Variants in NFKBIZ observed in about 807,000 individuals in gnomAD.
The protein encoded by NFKBIZ is NFKB inhibitor zeta.
NFKBIZ carries 19 observed loss-of-function variants against 76.8 expected under a neutral mutation model. The ratio of observed to expected loss-of-function variants is 0.25; its 90% CI spans 0.17 to 0.36. NFKBIZ has a LOEUF of 0.36. NFKBIZ is among the 10% of genes least tolerant of loss of function. The pLI is 1.00. For missense variants in NFKBIZ, 829 were observed against 910.9 expected (o/e 0.91, Z 1.16); for synonymous variants, 368 against 354.8 (o/e 1.04, Z -0.42).
chr3:101,834,257 T>A (rs897094158), intron 2 of NFKBIZ, among the ~76,000 whole-genome samples: 18 of 152,100 alleles, frequency 1.2e-4, no homozygotes, highest in African/African-American at 4.1e-4. Context: ...GGCCTTGGAG[T>A]TACCTCTGAC....
At chr3:101,831,619 T>G (rs1016195094) in intron 2 of NFKBIZ, among the ~76,000 whole-genome samples, 1 of 151,928 alleles carries the variant, frequency 6.6e-6, no homozygotes, top group Non-Finnish European at 1.5e-5. Context: ...CTCCTTCTCC[T>G]CTTTTTCTTT....
At chr3:101,855,969 T>C (rs1301192048) in intron 9 of NFKBIZ, 67 bp downstream of exon 9, 1 of 1,384,576 alleles carries the variant, frequency 7.2e-7, no homozygotes. Flanking sequence ...AAGACCTTGC[T>C]TCCAAGTACA....
rs1294733184 is a variant in NFKBIZ at position 101,859,568 on chromosome 3, A to G, written c.*197A>G. On this transcript the variant is annotated 3_prime_UTR_variant, in exon 12 of 12. Transcript: ENST00000326172. ...ATCTAATTTCTCTTGGCAGATTTGC[A>G]TATTTCATACCCAGGTATCTGGGAT... 8 of 414,144 alleles carry G rather than the reference A, an allele frequency of 1.9e-5. No homozygotes were observed. The South Asian group carries it at 2.2e-4, about 12-fold the overall frequency. 25.7% of individuals were successfully genotyped at this position (414,144 alleles called of 1,614,324 possible).
intron 2 of NFKBIZ, among the ~76,000 whole-genome samples, chr3:101,835,914 G>A (rs1356494639): frequency 6.6e-6 from 1 of 152,150 alleles, no homozygotes; most frequent in Non-Finnish European, 1.5e-5. Flanking sequence ...GAATATCATT[G>A]CTTCCTCAAG....
chr3:101,841,955 C>T (rs1446063803), intron 2 of NFKBIZ, among the ~76,000 whole-genome samples: 4 of 152,114 alleles, frequency 2.6e-5, no homozygotes, highest in African/African-American at 9.7e-5. Flanking sequence ...TAAATATGTA[C>T]CAAGTAACTA....
rs201726156 is a variant in NFKBIZ, at chr3:101,853,115, G to C, written c.589G>C (p.Gly197Arg). 1 of 1,613,724 alleles carries C rather than the reference G, an allele frequency of 6.2e-7. No individual in the cohort carries two copies. The highest frequency in any genetic ancestry group is 2.2e-5 in the East Asian group (1 of 44,904). ...GACACCACCTCAAACACCAACGCCC[G>C]GGGAGAGCATGGAAGATGTTCATCT... is the stretch of plus-strand genomic sequence containing the variant. ...FLTPPQTPTP[G>R]ESMEDVHLNE... is the part of the protein sequence containing the mutation. The change falls in exon 5 of 12, where the codon GGG becomes CGG. Residue 197 changes from glycine (G) to arginine (R), a missense_variant. Transcript: ENST00000326172.
chr3:101,858,542 C>T (rs890737566), intron 11 of NFKBIZ: 1 of 701,936 alleles, frequency 1.4e-6, no homozygotes, highest in African/African-American at 1.9e-5. Flanking sequence ...TTTAACTCTT[C>T]ATTAAATGTT....
At chr3:101,834,978 C>T (rs1942697281) in intron 2 of NFKBIZ, among the ~76,000 whole-genome samples, 1 of 152,140 alleles carries the variant, frequency 6.6e-6, no homozygotes, top group Admixed American at 6.5e-5. Context: ...TCAAGTTGGG[C>T]CGATGGTCCA....
intron 2 of NFKBIZ, among the ~76,000 whole-genome samples, chr3:101,833,139 C>T (rs186845768): frequency 1.3e-3 from 193 of 152,302 alleles, no homozygotes; most frequent in African/African-American, 4.5e-3. Context: ...TGAGGTAATG[C>T]ACTTAGATTC....
intron 2 of NFKBIZ, among the ~76,000 whole-genome samples, chr3:101,832,044 G>A (rs916230037): frequency 6.6e-6 from 1 of 152,120 alleles, no homozygotes; most frequent in African/African-American, 2.4e-5. Flanking sequence ...CAGTAGCTGG[G>A]ACTACTACAG....
At chr3:101,829,630 G>A (rs1020995750) in exon 2 of NFKBIZ, 1 of 152,096 alleles carries the variant, frequency 6.6e-6, no homozygotes, top group African/African-American at 2.4e-5. Context: ...GGAAGATCTC[G>A]AGGGCCCTGG....
At chr3:101,836,840 C>T (rs1942727039) in intron 2 of NFKBIZ, among the ~76,000 whole-genome samples, 1 of 152,210 alleles carries the variant, frequency 6.6e-6, no homozygotes, top group African/African-American at 2.4e-5. Flanking sequence ...CTCTTCTCTG[C>T]TACATCATTT....
At chr3:101,850,737 ACT>A (rs1942943595) in intron 1 of NFKBIZ, among the ~76,000 whole-genome samples, 1 of 152,098 alleles carries the variant, frequency 6.6e-6, no homozygotes. Context: ...GGTGTTTCCC[ACT>A]CTTAGCCACT....
intron 2 of NFKBIZ, among the ~76,000 whole-genome samples, chr3:101,832,221 G>C (rs1228799960): frequency 6.6e-6 from 1 of 152,116 alleles, no homozygotes; most frequent in Non-Finnish European, 1.5e-5. Context: ...ACAGGTGTGA[G>C]CCACCATGCC....
rs533922987 is a variant in NFKBIZ, at chr3:101,849,607, C to G, written c.-22C>G. The G allele has an allele frequency of 4.6e-5, 61 of 1,325,032 alleles. No individual in the cohort carries two copies. In the African/African-American group the frequency reaches 8.9e-4, roughly 19 times the overall value. 82.1% of individuals were successfully genotyped at this position (1,325,032 alleles called of 1,614,324 possible). A position where few individuals can be genotyped will look rare whatever the true frequency, so the allele number is the denominator to read the frequency against. ...AGCCGGTGGCGCAGGTGTCGGGGTC[C>G]TCGAGCGCCCAGCCTGGGAGCATGA... On this transcript the variant is annotated 5_prime_UTR_variant, in exon 1 of 12. Coordinates refer to ENST00000326172, the MANE Select transcript of NFKBIZ (RefSeq NM_031419.4).
Position 101,857,401 on chromosome 3 carries a change from G to C in NFKBIZ, c.2045G>C (p.Arg682Pro). 6.2e-7 allele frequency: 1 copy of C among 1,614,188 alleles called. No individual in the cohort carries two copies. The highest frequency in any genetic ancestry group is 8.5e-7 in the Non-Finnish European group (1 of 1,180,034). Residue 682 changes from arginine (R) to proline (P), a missense_variant, in exon 11 of 12, where the codon CGG becomes CCG. By Grantham distance (103) the Arg-to-Pro change is moderately radical. Transcript: ENST00000326172. The stretch of plus-strand genomic sequence containing the variant: ...AGGAAGGGAGCAGACCCAAGTACTC[G>C]GAACTTGGAGAACGAACAGCCAGTG... The part of the protein sequence containing the change: ...LMRKGADPST[R>P]NLENEQPVHL...
chr3:101,828,803 A>G (rs1292711652), intron 1 of NFKBIZ, among the ~76,000 whole-genome samples: 1 of 152,220 alleles, frequency 6.6e-6, no homozygotes, highest in Non-Finnish European at 1.5e-5. Flanking sequence ...ACATTTCTAA[A>G]TAGAATGGAT....
intron 2 of NFKBIZ, among the ~76,000 whole-genome samples, chr3:101,840,744 T>G (rs1942776060): frequency 6.6e-6 from 1 of 152,204 alleles, no homozygotes; most frequent in Admixed American, 6.5e-5. Flanking sequence ...TGACCTGACT[T>G]TGTGCAAGGT....
chr3:101,852,931 A>T lies in NFKBIZ; in HGVS notation c.506A>T (p.Asp169Val). 6.2e-7 allele frequency: 1 copy of T among 1,614,206 alleles called. No individual in the cohort carries two copies. The change falls in exon 4 of 12, where the codon GAT becomes GTT. Residue 169 changes from aspartate (D) to valine (V), a missense_variant. Around this residue, in one of 4 missense-constraint regions of NFKBIZ, gnomAD observed 371 missense variants for 332.3 expected, o/e 1.12. Coordinates refer to ENST00000326172, the MANE Select transcript of NFKBIZ (RefSeq NM_031419.4). ...TACAGTGGGAAAAGGAAAGGGCCCG[A>T]TTCGTTGTCTGATGGACCTGCTTGC... ...VSYSGKRKGP[D>V]SLSDGPACKR...
Sources: allele counts gnomAD v4.1 joint callset (sites outside exome capture counted in the v4.1 genomes callset), GRCh38; gene constraint gnomAD v4.1.1; regional missense constraint gnomAD v4.1.1; transcripts MANE v1.5; gene names NCBI Gene and HGNC (gene_info 2026-07-23, HGNC 2026-07-21).